SUGCT: variants seen among roughly 807,000 people sequenced by gnomAD.
SUGCT encodes succinyl-CoA:glutarate-CoA transferase, also known as succinyl-CoA:glutarate CoA-transferase.
SUGCT carries 41 observed loss-of-function variants against 55.0 expected under a neutral mutation model. The ratio of observed to expected loss-of-function variants is 0.74; its 90% CI spans 0.58 to 0.97. The LOEUF is 0.97. Ranked by LOEUF, SUGCT falls within the 50% of genes least tolerant of loss-of-function variation. The pLI, the probability that SUGCT is intolerant of heterozygous loss-of-function variation, is 0.00. For missense variants in SUGCT, 568 were observed against 547.8 expected, an observed-to-expected ratio of 1.04 and a Z score of -0.37; for synonymous variants, 187 against 200.4, an observed-to-expected ratio of 0.93 and a Z score of 0.56.
chr7:40,894,059 G>T, the SUGCT span, among the ~76,000 whole-genome samples: 1 of 146,372 alleles, frequency 6.8e-6, no homozygotes, highest in Non-Finnish European at 1.5e-5. Context: ...GTCTTAAGAA[G>T]AAAAAAAAAA....
intron 13 of SUGCT, among the ~76,000 whole-genome samples, chr7:40,849,950 G>A (rs1264104739): frequency 2.6e-5 from 4 of 152,144 alleles, no homozygotes; most frequent in African/African-American, 7.2e-5. Context: ...TGACAGTGCC[G>A]TGAGTCCGGG....
the SUGCT span, among the ~76,000 whole-genome samples, chr7:40,894,367 A>T: frequency 2.0e-5 from 3 of 152,184 alleles, no homozygotes; most frequent in Non-Finnish European, 4.4e-5. Context: ...AAAAATCCTG[A>T]AAGAAAACCT....
chr7:41,013,476 T>A, the SUGCT span, among the ~76,000 whole-genome samples: 1 of 152,220 alleles, frequency 6.6e-6, no homozygotes. Flanking sequence ...GAGTCAGTTC[T>A]GACTCCTGAG....
intron 12 of SUGCT, among the ~76,000 whole-genome samples, chr7:40,642,966 A>T (rs1800336028): frequency 6.6e-6 from 1 of 152,220 alleles, no homozygotes; most frequent in South Asian, 2.1e-4. Flanking sequence ...ACAAAACCAG[A>T]AAAAGACACC....
chr7:41,016,506 C>T, the SUGCT span, among the ~76,000 whole-genome samples: 2 of 152,230 alleles, frequency 1.3e-5, no homozygotes, highest in African/African-American at 4.8e-5. Flanking sequence ...AAATTTGCTA[C>T]CCCGCCCTCC....
the SUGCT span, among the ~76,000 whole-genome samples, chr7:40,947,427 T>C: frequency 6.6e-6 from 1 of 152,284 alleles, no homozygotes; most frequent in Non-Finnish European, 1.5e-5. Flanking sequence ...TTATAGTAAG[T>C]CCAGTGTCTG....
chr7:40,912,457 A>G, the SUGCT span, among the ~76,000 whole-genome samples: 2 of 152,208 alleles, frequency 1.3e-5, no homozygotes, highest in Non-Finnish European at 2.9e-5. Context: ...GGAAAACTTT[A>G]GCAGCTGAAA....
intron 5 of SUGCT, among the ~76,000 whole-genome samples, chr7:40,194,330 C>T (rs922775868): frequency 1.3e-5 from 2 of 152,132 alleles, no homozygotes; most frequent in Admixed American, 6.5e-5. Flanking sequence ...GGCGCCATCA[C>T]GGCTCATTGC....
At chr7:40,880,587 T>C in the SUGCT span, among the ~76,000 whole-genome samples, 1 of 152,232 alleles carries the variant, frequency 6.6e-6, no homozygotes, top group Non-Finnish European at 1.5e-5. Flanking sequence ...AAAGTTATGA[T>C]CAAAATGCCA....
chr7:40,807,784 A>G (rs953225547), intron 13 of SUGCT, among the ~76,000 whole-genome samples: 1 of 152,220 alleles, frequency 6.6e-6, no homozygotes, highest in South Asian at 2.1e-4. Context: ...AGGTCCCACA[A>G]TAGGTCATCT....
chr7:40,553,599 C>T (rs1476337592), intron 12 of SUGCT, among the ~76,000 whole-genome samples: 1 of 152,058 alleles, frequency 6.6e-6, no homozygotes, highest in Admixed American at 6.5e-5. Context: ...TATATGTCCA[C>T]CCTCTACACG....
intron 9 of SUGCT, among the ~76,000 whole-genome samples, chr7:40,383,022 G>A (rs922381774): frequency 1.3e-5 from 2 of 152,256 alleles, no homozygotes; most frequent in African/African-American, 2.4e-5. Flanking sequence ...AATAGAAATT[G>A]TAAGTATGAC....
the SUGCT span, among the ~76,000 whole-genome samples, chr7:40,940,342 G>C: frequency 6.6e-6 from 1 of 151,958 alleles, no homozygotes; most frequent in Non-Finnish European, 1.5e-5. Flanking sequence ...TTTTTGCTTA[G>C]GGTTGCCTTG....
chr7:40,166,061 G>A (rs1327576820), intron 1 of SUGCT, among the ~76,000 whole-genome samples: 3 of 152,188 alleles, frequency 2.0e-5, no homozygotes, highest in Non-Finnish European at 4.4e-5. Flanking sequence ...GGTGGAGGTT[G>A]CAGGGAGCCG....
the SUGCT span, among the ~76,000 whole-genome samples, chr7:40,940,981 C>CT: frequency 6.6e-6 from 1 of 151,876 alleles, no homozygotes; most frequent in Non-Finnish European, 1.5e-5. Flanking sequence ...TGACTTTTCC[C>CT]TATTTAGTAT....
chr7:40,487,266 T>G (rs866212894), intron 11 of SUGCT, among the ~76,000 whole-genome samples: 9 of 139,610 alleles, frequency 6.4e-5, no homozygotes, highest in South Asian at 4.6e-4. Context: ...TTTTTTTTTT[T>G]TTTTTTTTTT....
intron 9 of SUGCT, among the ~76,000 whole-genome samples, chr7:40,319,854 A>T (rs908465679): frequency 9.2e-5 from 14 of 152,084 alleles, no homozygotes; most frequent in African/African-American, 2.9e-4. Flanking sequence ...ACTGGTTCTC[A>T]CTTTGTTGTC....
chr7:40,579,992 T>C lies in SUGCT; in HGVS notation c.1089+83606T>C, dbSNP rs568909569. Among the ~76,000 whole-genome samples the C allele has an allele frequency of 3.9e-5, 6 of 152,296 alleles. No individual in the cohort carries two copies. The East Asian group carries it at 1.2e-3, about 29-fold the overall frequency. On this transcript the variant is annotated intron_variant, in intron 12 of 13. Transcript: ENST00000335693. Reference sequence around the variant, plus strand: ...CTGTAAAGTAACTTATCCAGTGATATGAAACAATCTGCATTGCCAAATAGA... The same window carrying C: ...CTGTAAAGTAACTTATCCAGTGATACGAAACAATCTGCATTGCCAAATAGA...
intron 12 of SUGCT, among the ~76,000 whole-genome samples, chr7:40,690,510 A>T (rs1307944298): frequency 6.6e-6 from 1 of 152,146 alleles, no homozygotes; most frequent in African/African-American, 2.4e-5. Context: ...ACTTTCTCAT[A>T]ATTCTTGCTG....
Sources: allele counts gnomAD v4.1 joint callset (sites outside exome capture counted in the v4.1 genomes callset), GRCh38; gene constraint gnomAD v4.1.1; transcripts MANE v1.5; gene names NCBI Gene and HGNC (gene_info 2026-07-23, HGNC 2026-07-21).